Variants in PTGFRN observed in about 807,000 individuals in gnomAD.
PTGFRN encodes the protein prostaglandin F2 receptor inhibitor.
PTGFRN carries 35 observed loss-of-function variants against 83.2 expected under a neutral mutation model. The observed-to-expected ratio is 0.42, with a 90% CI of 0.32 to 0.56. The LOEUF is 0.56. Ranked by LOEUF, PTGFRN falls within the 20% of genes least tolerant of loss-of-function variation. The pLI, the probability that PTGFRN is intolerant of heterozygous loss-of-function variation, is 0.11. For synonymous variants in PTGFRN, 519 were observed against 498.6 expected (o/e 1.04, Z -0.55); for missense variants, 1,051 against 1,179.5 (o/e 0.89, Z 1.60).
intron 5 of PTGFRN, among the ~76,000 whole-genome samples, chr1:116,966,357 A>G (rs1393517214): frequency 6.6e-6 from 1 of 152,268 alleles, no homozygotes; most frequent in Non-Finnish European, 1.5e-5. Context: ...CAGTCATTTT[A>G]GCAATACATC....
At chr1:116,915,585 G>A (rs933159882) in intron 1 of PTGFRN, among the ~76,000 whole-genome samples, 1 of 152,202 alleles carries the variant, frequency 6.6e-6, no homozygotes, top group Non-Finnish European at 1.5e-5. Flanking sequence ...AGTTGTCAGT[G>A]ATCATTCCTT....
chr1:116,962,909 A>T (rs188867513), intron 5 of PTGFRN, among the ~76,000 whole-genome samples: 62 of 152,348 alleles, frequency 4.1e-4, no homozygotes, highest in Middle Eastern at 3.4e-3. Context: ...AATGGTGTAC[A>T]TTATGATAGC....
chr1:116,960,280 C>T (rs759396777), intron 4 of PTGFRN, among the ~76,000 whole-genome samples: 2 of 152,224 alleles, frequency 1.3e-5, no homozygotes, highest in East Asian at 3.9e-4. Context: ...TGGAGAACCT[C>T]GAGTAATCAG....
chr1:116,950,108 A>C (rs1417214872), intron 4 of PTGFRN, among the ~76,000 whole-genome samples: 1 of 152,010 alleles, frequency 6.6e-6, no homozygotes, highest in African/African-American at 2.4e-5. Context: ...GGACGCTCTC[A>C]CCCCAGGTGT....
rs1289897951 is a variant in PTGFRN, at chr1:116,918,830, G to A, written c.49+8578G>A. 1.3e-5 allele frequency among the ~76,000 whole-genome samples: 2 copies of A among 152,192 alleles called. No homozygotes were observed. Among genetic ancestry groups the A allele is most frequent in the Non-Finnish European group, 2.9e-5 (2 of 68,034 alleles). ...TGTGGTCTCTCCATGGAATGAGAGT[G>A]GAAGGATGAGTGATAAAGGAACCGA... On this transcript the variant is annotated intron_variant, in intron 1 of 8. Coordinates refer to ENST00000393203, the MANE Select transcript of PTGFRN (RefSeq NM_020440.4). The surrounding 1 kb of genome is among the most constrained non-coding windows in gnomAD (Gnocchi z 4.1).
chr1:116,930,158 G>A (rs1254064662), intron 1 of PTGFRN, among the ~76,000 whole-genome samples: 1 of 152,234 alleles, frequency 6.6e-6, no homozygotes, highest in Non-Finnish European at 1.5e-5. Context: ...CTTGCAGTCT[G>A]CCAGGAGCAA....
chr1:116,955,897 G>T (rs916432553), intron 4 of PTGFRN, among the ~76,000 whole-genome samples: 1 of 152,174 alleles, frequency 6.6e-6, no homozygotes, highest in Non-Finnish European at 1.5e-5. Flanking sequence ...AGGGAGCTTG[G>T]CAGGTGGTGG....
At chr1:116,914,657 G>A (rs1387053280) in intron 1 of PTGFRN, among the ~76,000 whole-genome samples, 2 of 152,054 alleles carry the variant, frequency 1.3e-5, no homozygotes, top group Non-Finnish European at 2.9e-5. Context: ...GGGAGGCTGA[G>A]TGGGGAGGAT....
intron 4 of PTGFRN, among the ~76,000 whole-genome samples, chr1:116,956,237 A>T (rs2101072974): frequency 6.6e-6 from 1 of 152,190 alleles, no homozygotes; most frequent in Non-Finnish European, 1.5e-5. Flanking sequence ...ACAAGCCAAG[A>T]ATCCACTTAT....
At chr1:116,930,337 A>G (rs954297078) in intron 1 of PTGFRN, among the ~76,000 whole-genome samples, 5 of 152,136 alleles carry the variant, frequency 3.3e-5, no homozygotes, top group South Asian at 4.1e-4. Flanking sequence ...TGCCTTAAAC[A>G]TAGGACTTTG....
chr1:116,954,898 G>A (rs1650445504), intron 4 of PTGFRN, among the ~76,000 whole-genome samples: 1 of 152,190 alleles, frequency 6.6e-6, no homozygotes, highest in Non-Finnish European at 1.5e-5. Context: ...ATAGTGTGGT[G>A]CCTGGCATAT....
At chr1:116,945,628 G>A (rs543600262) in intron 3 of PTGFRN, among the ~76,000 whole-genome samples, 8 of 152,104 alleles carry the variant, frequency 5.3e-5, no homozygotes, top group Non-Finnish European at 1.0e-4. Flanking sequence ...TCCTGGAAGG[G>A]GGAGGAGCTC....
At chr1:116,957,286 C>G (rs1426842714) in intron 4 of PTGFRN, among the ~76,000 whole-genome samples, 1 of 151,908 alleles carries the variant, frequency 6.6e-6, no homozygotes, top group Non-Finnish European at 1.5e-5. Flanking sequence ...GACCTCAGCT[C>G]AGGCCAGTGT....
intron 7 of PTGFRN, among the ~76,000 whole-genome samples, chr1:116,982,545 C>T (rs1651349121): frequency 6.6e-6 from 1 of 151,936 alleles, no homozygotes; most frequent in Non-Finnish European, 1.5e-5. Flanking sequence ...TATCTTAGGT[C>T]AGGTTCTCCG....
At chr1:116,929,128 C>T (rs141793967) in intron 1 of PTGFRN, among the ~76,000 whole-genome samples, 5 of 152,360 alleles carry the variant, frequency 3.3e-5, no homozygotes, top group Non-Finnish European at 7.3e-5. Context: ...CAGTAAGTGG[C>T]ATCACCCTGT....
rs1468458761 is a variant in PTGFRN, at chr1:116,988,517, T to G, written c.*1550T>G. On this transcript the variant is annotated 3_prime_UTR_variant, in exon 9 of 9. Transcript: ENST00000393203. The stretch of plus-strand genomic sequence containing the variant: ...TAATTGCAATCCTCTGCTTTTATCT[T>G]GACTTTGAAGGATCTAACACTGCTC... 6.5e-6 allele frequency: 1 copy of G among 152,688 alleles called. No individual in the cohort carries two copies. Among genetic ancestry groups the G allele is most frequent in the Non-Finnish European group, 1.5e-5 (1 of 68,066 alleles). The allele number at this position is 152,688 out of a possible 1,614,324, so 9.5% of individuals were successfully genotyped here. A position where few individuals can be genotyped will look rare whatever the true frequency, so the allele number is the denominator to read the frequency against.
chr1:116,939,176 T>G (rs922785001), intron 1 of PTGFRN, among the ~76,000 whole-genome samples: 2 of 152,182 alleles, frequency 1.3e-5, no homozygotes, highest in Non-Finnish European at 1.5e-5. Flanking sequence ...GATGGTGGCC[T>G]TCTTCTCACA....
At position 116,952,340 on chromosome 1, in the gene PTGFRN, G is replaced by A. The variant is rs1650373344; in HGVS notation, c.1213+2768G>A. Among the ~76,000 whole-genome samples, 2 of 152,084 alleles carry A rather than the reference G, an allele frequency of 1.3e-5. No individual in the cohort carries two copies. The highest frequency in any genetic ancestry group is 2.9e-5 in the Non-Finnish European group (2 of 68,022). On this transcript the variant is annotated intron_variant, in intron 4 of 8. Coordinates refer to ENST00000393203, the MANE Select transcript of PTGFRN (RefSeq NM_020440.4). This position sits in a 1 kb window ranked among gnomAD's most constrained non-coding sequence, Gnocchi z 4.0. ...GTTCCACTGTGCTAAGCAGGAAGAC[G>A]GGGCAATGACATGAATGGGCCTGGC...
intron 3 of PTGFRN, among the ~76,000 whole-genome samples, chr1:116,948,322 T>G (rs1259818490): frequency 6.6e-6 from 1 of 152,192 alleles, no homozygotes; most frequent in Non-Finnish European, 1.5e-5. Flanking sequence ...CTGCCTTGAG[T>G]CTGTGACACC....
Sources: gnomAD v4.1 joint callset for allele counts (sites outside exome capture counted in the v4.1 genomes callset) on GRCh38, gnomAD v4.1.1 for gene constraint, Gnocchi (gnomAD v3.1) non-coding constraint, MANE v1.5 for transcripts, NCBI Gene and HGNC (gene_info 2026-07-23, HGNC 2026-07-21) for gene names.